Variants in AASS observed in about 807,000 individuals in gnomAD.
AASS encodes aminoadipate-semialdehyde synthase.
AASS carries 86 observed loss-of-function variants against 105.4 expected under a neutral mutation model. That is an observed-to-expected ratio of 0.82 (90% confidence interval 0.69 to 0.98). AASS has a LOEUF of 0.98. AASS is among the 50% of genes least tolerant of loss of function. The probability of loss-of-function intolerance (pLI) is 0.00; values close to 1 mark genes in which losing one functional copy is unlikely to be tolerated. For synonymous variants in AASS, 381 were observed against 394.8 expected (o/e 0.96, Z 0.41); for missense variants, 1,048 against 1,143.2 (o/e 0.92, Z 1.20).
intron 18 of AASS, among the ~76,000 whole-genome samples, chr7:122,089,734 T>C (rs1352597850): frequency 6.6e-6 from 1 of 152,188 alleles, no homozygotes; most frequent in Non-Finnish European, 1.5e-5. Flanking sequence ...CAACCAGTAA[T>C]GGCAGAGCTA....
chr7:122,119,196 C>T (rs1345207167), intron 4 of AASS, among the ~76,000 whole-genome samples: 1 of 152,152 alleles, frequency 6.6e-6, no homozygotes, highest in African/African-American at 2.4e-5. Context: ...AGCATCCCAA[C>T]TTGAAATTTT....
chr7:122,092,792 C>A (rs1424929609), intron 17 of AASS, 51 bp downstream of exon 17: 3 of 1,406,192 alleles, frequency 2.1e-6, no homozygotes, highest in Non-Finnish European at 2.0e-6. Flanking sequence ...TGATTCTGTA[C>A]ACAAGAATTT....
chr7:122,121,962 T>C (rs1489993662), intron 4 of AASS, among the ~76,000 whole-genome samples: 2 of 152,204 alleles, frequency 1.3e-5, no homozygotes, highest in Non-Finnish European at 2.9e-5. Flanking sequence ...ATAAGTTGTT[T>C]GTTTTCTTTC....
chr7:122,082,870 C>T, intron 19 of AASS: 1 of 1,289,334 alleles, frequency 7.8e-7, no homozygotes, highest in Admixed American at 2.3e-5. Flanking sequence ...ACATTCCAAT[C>T]CATTATTCAG....
At chr7:122,139,113 T>C (rs1796275459) in intron 1 of AASS, among the ~76,000 whole-genome samples, 1 of 152,212 alleles carries the variant, frequency 6.6e-6, no homozygotes, top group Non-Finnish European at 1.5e-5. Flanking sequence ...AAACAGCTAG[T>C]CATTTGCTTA....
rs113385713 is a variant in AASS at position 122,133,294 on chromosome 7, A to G, written c.210+223T>C. 9.1e-3 allele frequency among the ~76,000 whole-genome samples: 1,385 copies of G among 152,266 alleles called. 20 individuals carry two copies. Among genetic ancestry groups the G allele is most frequent in the African/African-American group, 0.031 (1,304 of 41,542 alleles). On this transcript the variant is annotated intron_variant, in intron 2 of 23. Coordinates refer to ENST00000417368, the MANE Select transcript of AASS (RefSeq NM_005763.4). Reference sequence around the variant, plus strand: ...GGAGTCTTATCCCCCTAGTCCCAGAACCAGGGCTGTACATGAAGGAGAGAA... The same window carrying G: ...GGAGTCTTATCCCCCTAGTCCCAGAGCCAGGGCTGTACATGAAGGAGAGAA...
chr7:122,079,104 T>C, intron 21 of AASS, 154 bp from the exon 22 acceptor site: 2 of 1,533,310 alleles, frequency 1.3e-6, no homozygotes, highest in Non-Finnish European at 1.8e-6. Flanking sequence ...AAAATAACAA[T>C]AACAATAGCA....
At chr7:122,101,495 A>T in intron 12 of AASS, 57 bp from the exon 13 acceptor site, 1 of 1,521,996 alleles carries the variant, frequency 6.6e-7, no homozygotes, top group Non-Finnish European at 9.1e-7. Flanking sequence ...TCCTACAAAC[A>T]AGGTGTCATG....
rs1792865307 is a variant in AASS at position 122,073,599 on chromosome 7, C to T, written c.*2890G>A. 6.6e-6 allele frequency among the ~76,000 whole-genome samples: 1 copy of T among 152,154 alleles called. No homozygotes were observed. The highest frequency in any genetic ancestry group is 2.4e-5 in the African/African-American group (1 of 41,444). ...CTTGAGATAAAATCTACATACCACA[C>T]AGTTCAAACATTCAAAGTATACAAT... On this transcript the variant is annotated 3_prime_UTR_variant, in exon 24 of 24. Coordinates refer to ENST00000417368, the MANE Select transcript of AASS (RefSeq NM_005763.4).
chr7:122,081,157 AC>A (rs1183684139), intron 20 of AASS, among the ~76,000 whole-genome samples: 1 of 152,142 alleles, frequency 6.6e-6, no homozygotes, highest in African/African-American at 2.4e-5. Flanking sequence ...CTGGATTCTC[AC>A]TTTCAGGAAG....
chr7:122,082,953 C>A, intron 19 of AASS: 1 of 1,052,156 alleles, frequency 9.5e-7, no homozygotes, highest in Non-Finnish European at 1.3e-6. Context: ...GAAGAAAGAC[C>A]ATAATGGTTT....
chr7:122,113,149 C>T lies in AASS; in HGVS notation c.1247G>A (p.Gly416Glu). 6.2e-7 allele frequency: 1 copy of T among 1,613,964 alleles called. No individual in the cohort carries two copies. Among genetic ancestry groups the T allele is most frequent in the Non-Finnish European group, 8.5e-7 (1 of 1,179,916 alleles). Residue 416 changes from glycine (G) to glutamate (E), a missense_variant, in exon 11 of 24, where the codon GGA (glycine) becomes GAA (glutamate). Gly to Glu is a moderately conservative substitution (Grantham distance 98). Transcript: ENST00000417368. ...TTCAACATAAGGGTAAAGCATGTCT[C>T]CAAAGCATTCTGTAGCTTCAATTGG... Reference protein sequence around the residue: ...QLPIEATECFGDMLYPYVEEM... With the variant: ...QLPIEATECFEDMLYPYVEEM...
Position 122,073,649 on chromosome 7 carries a change from G to A in AASS, c.*2840C>T, listed in dbSNP as rs1792868272. Among the ~76,000 whole-genome samples, 1 of 152,102 alleles carries A rather than the reference G, an allele frequency of 6.6e-6. No individual in the cohort carries two copies. The highest frequency in any genetic ancestry group is 1.5e-5 in the Non-Finnish European group (1 of 68,004). On this transcript the variant is annotated 3_prime_UTR_variant, in exon 24 of 24. Transcript: ENST00000417368. ...TTCAGTGGTTTTTAGTATATTCAGA[G>A]TTGTGCCACCATTACCACAATCAAC...
intron 10 of AASS, 70 bp from the exon 11 acceptor site, chr7:122,113,299 C>G (rs1172965109): frequency 7.7e-7 from 1 of 1,304,796 alleles, no homozygotes; most frequent in Non-Finnish European, 1.1e-6. Context: ...TTCCAGATGT[C>G]TACTCCACTA....
At chr7:122,139,640 T>C (rs1796298693) in intron 1 of AASS, among the ~76,000 whole-genome samples, 1 of 152,170 alleles carries the variant, frequency 6.6e-6, no homozygotes, top group African/African-American at 2.4e-5. Flanking sequence ...CTCTGCTACT[T>C]TTCAGGCAAT....
intron 8 of AASS, 115 bp from the exon 9 acceptor site, chr7:122,115,337 G>T: frequency 7.4e-7 from 1 of 1,350,738 alleles, no homozygotes; most frequent in Non-Finnish European, 1.0e-6. Flanking sequence ...ACTTCTAATT[G>T]ATTTTCTTAT....
chr7:122,140,447 C>CTGCACTCCA (rs1796332655), intron 1 of AASS, among the ~76,000 whole-genome samples: 1 of 132,508 alleles, frequency 7.5e-6, no homozygotes, highest in South Asian at 2.4e-4. Context: ...GTTCGTACCA[C>CTGCACTCCA]TGCACTCCAG....
rs924081506 is a variant in AASS at position 122,141,244 on chromosome 7, T to C, written c.-16+2917A>G. 7.2e-5 allele frequency among the ~76,000 whole-genome samples: 11 copies of C among 152,294 alleles called. No individual in the cohort carries two copies. The East Asian group carries it at 2.1e-3, about 29-fold the overall frequency. On this transcript the variant is annotated intron_variant, in intron 1 of 23. Transcript: ENST00000417368. ...AAGTGGTAGACTTTGGGGGAGGAGG[T>C]CTATTAGTGTTAACTAATCTGGTCT... is the stretch of plus-strand genomic sequence containing the variant.
chr7:122,077,728 C>T lies in AASS; in HGVS notation c.2662+110G>A, dbSNP rs1377187004. The stretch of plus-strand genomic sequence containing the variant: ...CGCTTGGATCTTCTAAGATGGTTCA[C>T]TTTTAGTAAATGCCTGTGTTACGCT... On this transcript the variant is annotated intron_variant, in intron 23 of 23. Coordinates refer to ENST00000417368, the MANE Select transcript of AASS (RefSeq NM_005763.4). 11 of 1,393,132 alleles carry T rather than the reference C, an allele frequency of 7.9e-6. No homozygotes were observed. The South Asian group carries it at 9.3e-5, about 12-fold the overall frequency. 86.3% of individuals were successfully genotyped at this position (1,393,132 alleles called of 1,614,324 possible). A position where few individuals can be genotyped will look rare whatever the true frequency, so the allele number is the denominator to read the frequency against.
Sources: gnomAD v4.1 joint callset for allele counts (sites outside exome capture counted in the v4.1 genomes callset) on GRCh38, gnomAD v4.1.1 for gene constraint, MANE v1.5 for transcripts, NCBI Gene and HGNC (gene_info 2026-07-23, HGNC 2026-07-21) for gene names.